The following RBMS3 variants were observed in gnomAD, a reference collection of about 807,000 sequenced individuals.
RBMS3 encodes the protein RNA binding motif single stranded interacting protein 3.
RBMS3 carries 27 observed loss-of-function variants against 66.8 expected under a neutral mutation model. The observed-to-expected ratio is 0.40, with a 90% CI of 0.30 to 0.56. The LOEUF (loss-of-function observed/expected upper bound fraction) is 0.56. Among genes scored for constraint, RBMS3 ranks in the 20% least tolerant of loss-of-function variants. The pLI is 0.40. For missense variants in RBMS3, 513 were observed against 549.5 expected, an observed-to-expected ratio of 0.93 and a Z score of 0.66; for synonymous variants, 188 against 183.0, an observed-to-expected ratio of 1.03 and a Z score of -0.22.
intron 6 of RBMS3, among the ~76,000 whole-genome samples, chr3:29,831,154 T>C (rs1015248405): frequency 1.3e-5 from 2 of 152,208 alleles, no homozygotes; most frequent in South Asian, 2.1e-4. Flanking sequence ...AACTTTCATA[T>C]ACATAGGAAT....
intron 6 of RBMS3, among the ~76,000 whole-genome samples, chr3:29,802,978 G>A (rs2057435313): frequency 6.6e-6 from 1 of 152,160 alleles, no homozygotes; most frequent in Admixed American, 6.5e-5. Context: ...GGCAGGACAA[G>A]AAAGGACGTT....
At chr3:29,510,525 C>A (rs1270720079) in intron 3 of RBMS3, among the ~76,000 whole-genome samples, 1 of 152,012 alleles carries the variant, frequency 6.6e-6, no homozygotes, top group Admixed American at 6.6e-5. Context: ...GTTGAGTATC[C>A]CTTTTCTGAA....
intron 3 of RBMS3, among the ~76,000 whole-genome samples, chr3:29,522,841 T>C (rs1291729609): frequency 6.6e-6 from 1 of 152,016 alleles, no homozygotes; most frequent in Non-Finnish European, 1.5e-5. Flanking sequence ...CAACAGGGAG[T>C]TGGCCAGCAC....
At chr3:29,342,285 T>C (rs1300003601) in intron 1 of RBMS3, among the ~76,000 whole-genome samples, 1 of 152,142 alleles carries the variant, frequency 6.6e-6, no homozygotes, top group Admixed American at 6.6e-5. Flanking sequence ...TACTCACAGA[T>C]GTATGGAAGA....
chr3:29,487,604 A>G lies in RBMS3; in HGVS notation c.249-837A>G, dbSNP rs183353130. On this transcript the variant is annotated intron_variant, in intron 2 of 14. Coordinates refer to ENST00000383767, the MANE Select transcript of RBMS3 (RefSeq NM_001003793.3). ...TTATATAGCTGATAGCAGGGAGAGC[A>G]TCATTGGAAGAAGAGCTAACATTAA... Among the ~76,000 whole-genome samples, 19 of 152,256 alleles carry G rather than the reference A, an allele frequency of 1.2e-4. No homozygotes were observed. The East Asian group carries it at 3.3e-3, about 26-fold the overall frequency.
intron 10 of RBMS3, among the ~76,000 whole-genome samples, chr3:29,922,911 G>A (rs551854605): frequency 1.3e-5 from 2 of 152,072 alleles, no homozygotes; most frequent in Non-Finnish European, 2.9e-5. Context: ...ACATTTCCTC[G>A]TGGGAACTTT....
intron 10 of RBMS3, among the ~76,000 whole-genome samples, chr3:29,903,943 C>T (rs1183325382): frequency 2.6e-5 from 4 of 151,904 alleles, no homozygotes; most frequent in Non-Finnish European, 4.4e-5. Context: ...TTCTTCTTTA[C>T]AACCAGGCTG....
chr3:29,346,577 T>C (rs2036592918), intron 1 of RBMS3, among the ~76,000 whole-genome samples: 1 of 151,888 alleles, frequency 6.6e-6, no homozygotes, highest in African/African-American at 2.4e-5. Flanking sequence ...CTAATTTTTG[T>C]ATTTTTAGTA....
chr3:29,352,346 A>G (rs2036967603), intron 1 of RBMS3, among the ~76,000 whole-genome samples: 2 of 152,038 alleles, frequency 1.3e-5, no homozygotes. Flanking sequence ...TTTATAGTGC[A>G]TGATATATCT....
chr3:29,619,516 ACC>A (rs2048794556), intron 4 of RBMS3, among the ~76,000 whole-genome samples: 1 of 152,138 alleles, frequency 6.6e-6, no homozygotes, highest in African/African-American at 2.4e-5. Flanking sequence ...TTTTTAAGAC[ACC>A]AGATGGGCAA....
chr3:29,830,142 C>CT (rs576052588), intron 6 of RBMS3, among the ~76,000 whole-genome samples: 21 of 148,030 alleles, frequency 1.4e-4, no homozygotes, highest in South Asian at 2.1e-4. Flanking sequence ...GGGAGGTAGT[C>CT]TTTTTTTTTT....
At chr3:29,540,501 A>C (rs918255837) in intron 3 of RBMS3, among the ~76,000 whole-genome samples, 1 of 152,172 alleles carries the variant, frequency 6.6e-6, no homozygotes, top group Non-Finnish European at 1.5e-5. Context: ...AGTATCTAGA[A>C]TTCTTCTAGT....
chr3:29,824,987 T>C (rs2058169353), intron 6 of RBMS3, among the ~76,000 whole-genome samples: 1 of 152,078 alleles, frequency 6.6e-6, no homozygotes, highest in African/African-American at 2.4e-5. Flanking sequence ...ACATTATTCA[T>C]TGCCCCAAAG....
At chr3:29,332,654 C>T (rs2035730831) in intron 1 of RBMS3, among the ~76,000 whole-genome samples, 1 of 152,134 alleles carries the variant, frequency 6.6e-6, no homozygotes, top group Non-Finnish European at 1.5e-5. Flanking sequence ...TCCAGTTATA[C>T]ACCCTCTTTC....
At chr3:29,354,623 G>C (rs2037113305) in intron 1 of RBMS3, among the ~76,000 whole-genome samples, 1 of 152,178 alleles carries the variant, frequency 6.6e-6, no homozygotes, top group Non-Finnish European at 1.5e-5. Flanking sequence ...GGAATAGCAA[G>C]TCTCTAGGGG....
chr3:29,456,250 C>T (rs2042186019), intron 2 of RBMS3, among the ~76,000 whole-genome samples: 1 of 152,008 alleles, frequency 6.6e-6, no homozygotes, highest in African/African-American at 2.4e-5. Flanking sequence ...CCAAAGTATC[C>T]TTTATTTATC....
At chr3:29,354,943 T>C (rs1027677279) in intron 1 of RBMS3, among the ~76,000 whole-genome samples, 2 of 152,154 alleles carry the variant, frequency 1.3e-5, no homozygotes, top group Admixed American at 6.6e-5. Context: ...ATAGATACCA[T>C]TTATCCATTT....
At chr3:29,626,173 G>A (rs2049055013) in intron 4 of RBMS3, among the ~76,000 whole-genome samples, 1 of 152,198 alleles carries the variant, frequency 6.6e-6, no homozygotes, top group African/African-American at 2.4e-5. Context: ...AACGGGCTTA[G>A]CAGCTCTGCA....
At chr3:29,726,538 A>T (rs1054051362) in intron 4 of RBMS3, among the ~76,000 whole-genome samples, 2 of 152,208 alleles carry the variant, frequency 1.3e-5, no homozygotes, top group Admixed American at 6.5e-5. Flanking sequence ...AATGTGCAAA[A>T]ATCACAATCA....
Sources: allele counts gnomAD v4.1 joint callset (sites outside exome capture counted in the v4.1 genomes callset), GRCh38; gene constraint gnomAD v4.1.1; transcripts MANE v1.5; gene names NCBI Gene and HGNC (gene_info 2026-07-23, HGNC 2026-07-21).